IL1RAPL2: variants seen among roughly 807,000 people sequenced by gnomAD.
The protein encoded by IL1RAPL2 is interleukin 1 receptor accessory protein like 2.
Under a neutral mutation model 44.1 loss-of-function variants are expected in IL1RAPL2, and 3 were observed. The observed-to-expected ratio is 0.07, with a 90% CI of 0.03 to 0.18. IL1RAPL2 has a LOEUF of 0.18. Ranked by LOEUF, IL1RAPL2 falls within the 10% of genes least tolerant of loss-of-function variation. The pLI is 1.00. For synonymous variants in IL1RAPL2, 181 were observed against 178.8 expected (o/e 1.01, Z -0.10); for missense variants, 391 against 496.4 (o/e 0.79, Z 2.02).
chrX:104,952,970 G>T (rs138459771), intron 2 of IL1RAPL2, among the ~76,000 whole-genome samples: 12 of 112,015 alleles, frequency 1.1e-4, no homozygotes, highest in African/African-American at 3.9e-4. Context: ...TTGCCAATTT[G>T]TCATTCTTGG....
rs1237869816 is a variant in IL1RAPL2 at position 105,678,485 on chromosome X, TC to T, written c.773-38875del. Among the ~76,000 whole-genome samples the T allele has an allele frequency of 6.7e-5, 7 of 105,241 alleles. No individual in the cohort carries two copies. The East Asian group carries it at 1.9e-3, about 29-fold the overall frequency. The allele number at this position is 105,241 out of a possible 115,157, so 91.4% of individuals were successfully genotyped here. On this transcript the variant is annotated intron_variant, in intron 6 of 10. Coordinates refer to ENST00000372582, the MANE Select transcript of IL1RAPL2 (RefSeq NM_017416.2). ...TTTTTGTATCCATTAACCATCCCCA[TC>T]CCCCCCAACCCTCATTACCCTTCCT...
chrX:105,315,349 T>G (rs116608929), intron 5 of IL1RAPL2, among the ~76,000 whole-genome samples: 3,981 of 106,851 alleles, frequency 0.037, 203 homozygotes, highest in African/African-American at 0.13. Context: ...CTTCAAATAA[T>G]ACTATTGGCA....
rs760894864 is a variant in IL1RAPL2 at position 105,670,305 on chromosome X, C to CTT, written c.773-47050_773-47049dup. Among the ~76,000 whole-genome samples the CTT allele has an allele frequency of 1.3e-3, 122 of 92,610 alleles. 1 individual carries two copies. The highest frequency in any genetic ancestry group is 4.6e-3 in the African/African-American group (117 of 25,559). The allele number at this position is 92,610 out of a possible 115,157, so 80.4% of individuals were successfully genotyped here. A position where few individuals can be genotyped will look rare whatever the true frequency, so the allele number is the denominator to read the frequency against. On this transcript the variant is annotated intron_variant, in intron 6 of 10. Coordinates refer to ENST00000372582, the MANE Select transcript of IL1RAPL2 (RefSeq NM_017416.2). ...AAATTTAGTGTAATCTTGTCTATATCTTTTTTTTTTTTTGAGACGGAGTCT... is the reference window on the plus strand; with the variant it reads ...AAATTTAGTGTAATCTTGTCTATATCTTTTTTTTTTTTTTTGAGACGGAGTCT...
chrX:104,905,825 T>A (rs1173803510), intron 2 of IL1RAPL2, among the ~76,000 whole-genome samples: 2 of 111,268 alleles, frequency 1.8e-5, no homozygotes, highest in Admixed American at 9.5e-5. Flanking sequence ...AAGTAGTTTT[T>A]TCCAATTCTG....
At chrX:105,435,179 G>T (rs999748974) in intron 5 of IL1RAPL2, among the ~76,000 whole-genome samples, 3 of 111,761 alleles carry the variant, frequency 2.7e-5, no homozygotes, top group East Asian at 5.6e-4. Context: ...GCTTAGGATT[G>T]TCTTGGCTAT....
rs1457831191 is a variant in IL1RAPL2 at position 104,567,063 on chromosome X, T to C, written c.-20+12T>C. 8.9e-6 allele frequency: 1 copy of C among 112,827 alleles called. No homozygotes were observed. Among genetic ancestry groups the C allele is most frequent in the Admixed American group, 9.3e-5 (1 of 10,770 alleles). The allele number at this position is 112,827 out of a possible 1,213,427, so 9.3% of individuals were successfully genotyped here. On this transcript the variant is annotated intron_variant, in intron 1 of 10. Coordinates refer to ENST00000372582, the MANE Select transcript of IL1RAPL2 (RefSeq NM_017416.2). ...TTTGCAAGACTCAGGTAATGTCCAC[T>C]CGCAGAGCTGGAGAGTTGACTGGCA...
chrX:105,219,850 G>A (rs2033930968), intron 3 of IL1RAPL2: 1 of 1,084,080 alleles, frequency 9.2e-7, no homozygotes, highest in Non-Finnish European at 1.2e-6. Flanking sequence ...GGGAAGGGCG[G>A]GGCAGGGCGA....
intron 5 of IL1RAPL2, among the ~76,000 whole-genome samples, chrX:105,321,759 A>T (rs2147688026): frequency 8.9e-6 from 1 of 112,887 alleles, no homozygotes; most frequent in African/African-American, 3.2e-5. Context: ...GAAGAAAAAT[A>T]GGTCTGGAAC....
At chrX:104,649,186 G>A (rs896545136) in intron 1 of IL1RAPL2, among the ~76,000 whole-genome samples, 1 of 110,881 alleles carries the variant, frequency 9.0e-6, no homozygotes. Context: ...CTTTGGCTAT[G>A]TTGGTTTCAG....
At chrX:105,144,761 T>C (rs2033164223) in intron 2 of IL1RAPL2, among the ~76,000 whole-genome samples, 1 of 111,705 alleles carries the variant, frequency 9.0e-6, no homozygotes, top group South Asian at 3.7e-4. Context: ...CTGCCAATTT[T>C]AGTAGTACAT....
intron 2 of IL1RAPL2, among the ~76,000 whole-genome samples, chrX:104,999,253 CAG>C (rs1339528532): frequency 9.0e-6 from 1 of 111,710 alleles, no homozygotes; most frequent in Non-Finnish European, 1.9e-5. Context: ...CAATAGAAGG[CAG>C]AGAGTGTGCC....
chrX:104,777,668 C>T (rs938225795), intron 2 of IL1RAPL2, among the ~76,000 whole-genome samples: 1 of 108,658 alleles, frequency 9.2e-6, no homozygotes, highest in Non-Finnish European at 1.9e-5. Flanking sequence ...CCTCGGCCTC[C>T]CCGGTTCAAG....
chrX:104,818,731 C>T (rs1184008417), intron 2 of IL1RAPL2, among the ~76,000 whole-genome samples: 4 of 110,377 alleles, frequency 3.6e-5, no homozygotes, highest in Non-Finnish European at 7.6e-5. Flanking sequence ...TGAATGGTGG[C>T]CTGGATGAGT....
At chrX:105,032,437 C>T (rs2031523363) in intron 2 of IL1RAPL2, among the ~76,000 whole-genome samples, 2 of 110,000 alleles carry the variant, frequency 1.8e-5, no homozygotes, top group Admixed American at 1.9e-4. Flanking sequence ...TCTTTGTTCT[C>T]GTTGGTTTCA....
intron 6 of IL1RAPL2, among the ~76,000 whole-genome samples, chrX:105,555,828 C>A (rs2036892783): frequency 8.9e-6 from 1 of 111,763 alleles, no homozygotes; most frequent in Admixed American, 9.5e-5. Flanking sequence ...GTGAGTTGTC[C>A]TTTTGTCTGA....
chrX:105,251,233 G>A (rs1267195833), intron 4 of IL1RAPL2, among the ~76,000 whole-genome samples: 22 of 109,410 alleles, frequency 2.0e-4, no homozygotes, highest in African/African-American at 7.3e-4. Context: ...TTCTAAAGGT[G>A]GAAAAAATGT....
chrX:105,737,178 T>C (rs2038457204), intron 7 of IL1RAPL2, among the ~76,000 whole-genome samples: 1 of 110,533 alleles, frequency 9.0e-6, no homozygotes, highest in Non-Finnish European at 1.9e-5. Context: ...GAGCTAAATA[T>C]TGAGTACATT....
chrX:104,633,534 G>A (rs1234371740), intron 1 of IL1RAPL2, among the ~76,000 whole-genome samples: 3 of 111,614 alleles, frequency 2.7e-5, no homozygotes, highest in South Asian at 3.8e-4. Context: ...TTATTTGTCT[G>A]TTCAGAGATT....
intron 2 of IL1RAPL2, among the ~76,000 whole-genome samples, chrX:104,744,036 A>G (rs1932134827): frequency 9.0e-6 from 1 of 110,805 alleles, no homozygotes; most frequent in Non-Finnish European, 1.9e-5. Context: ...GGGGTGTTCT[A>G]TATTGATAAC....
Sources: gnomAD v4.1 joint callset for allele counts (sites outside exome capture counted in the v4.1 genomes callset) on GRCh38, gnomAD v4.1.1 for gene constraint, MANE v1.5 for transcripts, NCBI Gene and HGNC (gene_info 2026-07-23, HGNC 2026-07-21) for gene names.